The following SLC7A1 variants were observed in gnomAD, a reference collection of about 807,000 sequenced individuals.
The protein encoded by SLC7A1 is solute carrier family 7 member 1.
A neutral mutation model predicts 53.9 loss-of-function variants in SLC7A1; 10 were observed. That is an observed-to-expected ratio of 0.19 (90% CI 0.11 to 0.31). The LOEUF (loss-of-function observed/expected upper bound fraction) is 0.31, where lower values mean the gene tolerates loss of function less well. Among genes scored for constraint, SLC7A1 ranks in the 10% least tolerant of loss-of-function variants. The pLI, the probability that SLC7A1 is intolerant of heterozygous loss-of-function variation, is 1.00. For missense variants in SLC7A1, 525 were observed against 827.2 expected (o/e 0.63, Z 4.48); for synonymous variants, 342 against 338.7 (o/e 1.01, Z -0.11).
At chr13:29,572,873 G>A (rs938688351) in intron 1 of SLC7A1, among the ~76,000 whole-genome samples, 2 of 152,158 alleles carry the variant, frequency 1.3e-5, no homozygotes, top group African/African-American at 4.8e-5. Context: ...ACTCAACATG[G>A]TAATCAACAT....
chr13:29,525,334 A>G (rs1320489666), intron 5 of SLC7A1, among the ~76,000 whole-genome samples: 2 of 152,216 alleles, frequency 1.3e-5, no homozygotes, highest in Non-Finnish European at 2.9e-5. Context: ...CTGGAGCCCA[A>G]GAGGACGCTC....
At chr13:29,568,835 C>CA (rs1374851790) in intron 1 of SLC7A1, among the ~76,000 whole-genome samples, 1 of 152,182 alleles carries the variant, frequency 6.6e-6, no homozygotes, top group Non-Finnish European at 1.5e-5. Context: ...AAGCCCTGAT[C>CA]AAGTCCGTCC....
At chr13:29,568,337 C>T (rs7997827) in intron 1 of SLC7A1, among the ~76,000 whole-genome samples, 15,577 of 152,182 alleles carry the variant, frequency 0.1, 1,810 homozygotes, top group East Asian at 0.63. Context: ...TAAAAAACCA[C>T]GACGATGTAT....
At chr13:29,553,975 C>A (rs2139136354) in intron 1 of SLC7A1, 115 bp from the exon 2 acceptor site, 1 of 152,114 alleles carries the variant, frequency 6.6e-6, no homozygotes, top group African/African-American at 2.4e-5. Context: ...GAAGCACATG[C>A]CACCTTAACA....
chr13:29,570,010 A>G (rs1339929499), intron 1 of SLC7A1, among the ~76,000 whole-genome samples: 1 of 152,172 alleles, frequency 6.6e-6, no homozygotes, highest in East Asian at 1.9e-4. Flanking sequence ...ACCAGAAACA[A>G]AAGTTTTCTA....
rs1281285340 is a variant in SLC7A1 at position 29,510,840 on chromosome 13, G to C, written c.*3640C>G. The C allele has an allele frequency of 1.3e-5, 2 of 152,306 alleles. No individual in the cohort carries two copies. The highest frequency in any genetic ancestry group is 2.9e-5 in the Non-Finnish European group (2 of 68,058). 9.4% of individuals were successfully genotyped at this position (152,306 alleles called of 1,614,324 possible). On this transcript the variant is annotated 3_prime_UTR_variant, in exon 13 of 13. Coordinates refer to ENST00000380752, the MANE Select transcript of SLC7A1 (RefSeq NM_003045.5). ...GAATCAGAAGAGGGGCCCTGGCACA[G>C]AGCCAGGCAGGCTTGCTTTAGCATT...
chr13:29,575,087 T>C (rs1219245492), intron 1 of SLC7A1, among the ~76,000 whole-genome samples: 2 of 152,134 alleles, frequency 1.3e-5, no homozygotes, highest in Non-Finnish European at 2.9e-5. Context: ...ATGCTAAGAT[T>C]CACAAAAATA....
chr13:29,511,446 T>C lies in SLC7A1; in HGVS notation c.*3034A>G, dbSNP rs1216534876. On this transcript the variant is annotated 3_prime_UTR_variant, in exon 13 of 13. Coordinates refer to ENST00000380752, the MANE Select transcript of SLC7A1 (RefSeq NM_003045.5). ...GGAAAATGCATCTATCACTGTCCTC[T>C]TGATTTGGAAAAATAAATCCGATGC... The C allele has an allele frequency of 6.6e-6, 1 of 152,262 alleles. No homozygotes were observed. Among genetic ancestry groups the C allele is most frequent in the Non-Finnish European group, 1.5e-5 (1 of 68,054 alleles). 9.4% of individuals were successfully genotyped at this position (152,262 alleles called of 1,614,324 possible).
At chr13:29,526,975 C>T (rs1023950501) in intron 5 of SLC7A1, among the ~76,000 whole-genome samples, 1 of 151,964 alleles carries the variant, frequency 6.6e-6, no homozygotes, top group Non-Finnish European at 1.5e-5. Context: ...CCTCGTACTG[C>T]GCCGCTACAC....
intron 1 of SLC7A1, among the ~76,000 whole-genome samples, chr13:29,580,758 T>TGAACAGTGATAA (rs111893196): frequency 6.6e-6 from 1 of 151,784 alleles, no homozygotes; most frequent in Non-Finnish European, 1.5e-5. Flanking sequence ...TTCTAGAGAC[T>TGAACAGTGATAA]GAAGGTGATT....
chr13:29,559,764 G>A (rs1593568854), intron 1 of SLC7A1, among the ~76,000 whole-genome samples: 1 of 150,130 alleles, frequency 6.7e-6, no homozygotes, highest in East Asian at 2.0e-4. Context: ...CGCTCAGGCT[G>A]GAGTGCAGTG....
chr13:29,579,907 T>C (rs1459993790), intron 1 of SLC7A1, among the ~76,000 whole-genome samples: 1 of 152,178 alleles, frequency 6.6e-6, no homozygotes, highest in African/African-American at 2.4e-5. Flanking sequence ...ACTTCTCTAC[T>C]AGAGGTCTCT....
At chr13:29,540,610 G>T (rs1447788934) in intron 2 of SLC7A1, among the ~76,000 whole-genome samples, 1 of 152,234 alleles carries the variant, frequency 6.6e-6, no homozygotes, top group Admixed American at 6.5e-5. Context: ...TTCCCTGGGG[G>T]CCAGGAGGAG....
Position 29,544,874 on chromosome 13 carries a change from G to T in SLC7A1, c.-14-8672C>A, listed in dbSNP as rs879342964. 1.8e-3 allele frequency among the ~76,000 whole-genome samples: 271 copies of T among 151,168 alleles called. 1 individual carries two copies. The highest frequency in any genetic ancestry group is 4.3e-3 in the Admixed American group (66 of 15,226). On this transcript the variant is annotated intron_variant, in intron 2 of 12. Transcript: ENST00000380752. The stretch of plus-strand genomic sequence containing the variant: ...ACATCGCACCTGCCTCATCGGGGGG[G>T]GGGGGCAAGCTCTTCCCACTGACTC...
intron 1 of SLC7A1, among the ~76,000 whole-genome samples, chr13:29,594,251 T>C (rs678844): frequency 0.96 from 145,938 of 152,390 alleles, 69,915 homozygotes; most frequent in East Asian, 1. Flanking sequence ...ACTAGTCGAA[T>C]GTAAGTAAGA....
intron 5 of SLC7A1, among the ~76,000 whole-genome samples, chr13:29,526,622 G>A (rs1868905098): frequency 6.6e-6 from 1 of 152,222 alleles, no homozygotes; most frequent in Non-Finnish European, 1.5e-5. Flanking sequence ...CAAGTGGAAA[G>A]TGCAGGGAAC....
At chr13:29,585,600 C>T (rs1302599949) in intron 1 of SLC7A1, among the ~76,000 whole-genome samples, 2 of 152,116 alleles carry the variant, frequency 1.3e-5, no homozygotes, top group Non-Finnish European at 2.9e-5. Context: ...CCAGTGAGTA[C>T]CAGTGTGTGC....
intron 6 of SLC7A1, among the ~76,000 whole-genome samples, chr13:29,523,906 G>A (rs917290871): frequency 5.9e-5 from 9 of 152,164 alleles, no homozygotes; most frequent in African/African-American, 1.2e-4. Flanking sequence ...TTCTAACAGC[G>A]GAACCTTAGC....
intron 1 of SLC7A1, among the ~76,000 whole-genome samples, chr13:29,584,454 G>A (rs1871791185): frequency 1.3e-5 from 2 of 152,116 alleles, no homozygotes; most frequent in African/African-American, 4.8e-5. Context: ...GCCAATATTT[G>A]TAACTTCTAT....
Sources: gnomAD v4.1 joint callset for allele counts (sites outside exome capture counted in the v4.1 genomes callset) on GRCh38, gnomAD v4.1.1 for gene constraint, MANE v1.5 for transcripts, NCBI Gene and HGNC (gene_info 2026-07-23, HGNC 2026-07-21) for gene names.